Variants in HEATR5A observed in about 807,000 individuals in gnomAD.
HEATR5A encodes HEAT repeat-containing protein 5A.
In HEATR5A, 178 loss-of-function variants were observed where a neutral mutation model predicts 218.8. The ratio of observed to expected loss-of-function variants is 0.81; its 90% CI spans 0.72 to 0.92. The LOEUF (loss-of-function observed/expected upper bound fraction) is 0.92, where lower values mean the gene tolerates loss of function less well. Among genes scored for constraint, HEATR5A ranks in the 40% least tolerant of loss-of-function variants. HEATR5A has a pLI of 0.00. For missense variants in HEATR5A, 2,420 were observed against 2,418.9 expected, an observed-to-expected ratio of 1.00 and a Z score of -0.01; for synonymous variants, 864 against 871.6, an observed-to-expected ratio of 0.99 and a Z score of 0.15.
At chr14:31,306,905 A>C in intron 30 of HEATR5A, 26 bp from the exon 31 acceptor site, 1 of 1,533,366 alleles carries the variant, frequency 6.5e-7, no homozygotes, top group Non-Finnish European at 8.9e-7. Flanking sequence ...TGTACAGGAC[A>C]CTGTATTAGA....
At chr14:31,338,175 A>G (rs1900728794) in intron 21 of HEATR5A, among the ~76,000 whole-genome samples, 1 of 152,172 alleles carries the variant, frequency 6.6e-6, no homozygotes, top group Admixed American at 6.6e-5. Context: ...ACACTACTGC[A>G]TCTCTCAGGG....
rs74043934 is a variant in HEATR5A, at chr14:31,352,473, A to G, written c.2412-1756T>C. Reference sequence around the variant, plus strand: ...CTAAGTCCTTTAAAACTAGATCTCCATCATTCTGCTGAGGCTACAAGGCAA... The same window carrying G: ...CTAAGTCCTTTAAAACTAGATCTCCGTCATTCTGCTGAGGCTACAAGGCAA... On this transcript the variant is annotated intron_variant, in intron 16 of 35. Transcript: ENST00000543095. 2.3e-3 allele frequency among the ~76,000 whole-genome samples: 349 copies of G among 152,248 alleles called. 2 individuals carry two copies. The highest frequency in any genetic ancestry group is 7.7e-3 in the African/African-American group (318 of 41,562).
chr14:31,293,547 C>T lies in HEATR5A; in HGVS notation c.5899G>A (p.Gly1967Arg), dbSNP rs1278781599. 1 of 1,613,590 alleles carries T rather than the reference C, an allele frequency of 6.2e-7. No homozygotes were observed. The highest frequency in any genetic ancestry group is 8.5e-7 in the Non-Finnish European group (1 of 1,179,804). Residue 1967 changes from glycine to arginine, a missense_variant, in exon 36 of 36, where the codon GGA becomes AGA. By Grantham distance (125) the Gly-to-Arg change is moderately radical. Transcript: ENST00000543095. ...ISFLLDENSL[G>R]SATSIMRNLH... ...TTTCTCATTATGGAAGTTGCTGATC[C>T]CAGAGAATTTTCATCCAAAAGGAAG...
At chr14:31,372,163 G>A (rs1466215479) in intron 12 of HEATR5A, among the ~76,000 whole-genome samples, 1 of 142,450 alleles carries the variant, frequency 7.0e-6, no homozygotes, top group Non-Finnish European at 1.5e-5. Context: ...CTGTTCTAGG[G>A]TTTTACTTTT....
At chr14:31,337,441 T>C in intron 22 of HEATR5A, 35 bp downstream of exon 22, 1 of 1,514,354 alleles carries the variant, frequency 6.6e-7, no homozygotes, top group Non-Finnish European at 8.9e-7. Flanking sequence ...AAAATAATCA[T>C]TTGAGCTGGA....
chr14:31,353,831 GCT>G (rs1363375359), intron 16 of HEATR5A, among the ~76,000 whole-genome samples: 1 of 146,942 alleles, frequency 6.8e-6, no homozygotes, highest in Non-Finnish European at 1.5e-5. Context: ...ATGGAGTCTC[GCT>G]CTGTCGCCCA....
At chr14:31,310,537 G>A (rs1899710908) in intron 28 of HEATR5A, among the ~76,000 whole-genome samples, 1 of 152,146 alleles carries the variant, frequency 6.6e-6, no homozygotes, top group Non-Finnish European at 1.5e-5. Flanking sequence ...CTACTTGGGA[G>A]GCTGAGGCAG....
At chr14:31,332,511 T>G (rs1900506609) in intron 22 of HEATR5A, among the ~76,000 whole-genome samples, 1 of 152,206 alleles carries the variant, frequency 6.6e-6, no homozygotes, top group Non-Finnish European at 1.5e-5. Flanking sequence ...TGATTTAAGC[T>G]TAGTGAGAAA....
chr14:31,400,449 G>GGGAGCTGTTCAACAAAGACA lies in HEATR5A; in HGVS notation c.170_189dup (p.Pro64CysfsTer4). On this transcript the variant is annotated stop_gained and frameshift_variant, in exon 3 of 36. Coordinates refer to ENST00000543095, the MANE Select transcript of HEATR5A (RefSeq NM_015473.4). LOFTEE classifies it high-confidence loss of function. ...AGCAGTTTGCGGGTAGGAGGCCCTG[G>GGGAGCTGTTCAACAAAGACA]GGAGCTGTTCAACAAAGACAGGAGC... 2 of 1,535,912 alleles carry GGGAGCTGTTCAACAAAGACA rather than the reference G, an allele frequency of 1.3e-6. No homozygotes were observed. The highest frequency in any genetic ancestry group is 1.4e-5 in the African/African-American group (1 of 73,116).
chr14:31,309,088 A>G lies in HEATR5A; in HGVS notation c.4536T>C (p.Leu1512=). Residue 1512 remains leucine (L), a synonymous_variant, in exon 29 of 36, where the codon CTT becomes CTC. Coordinates refer to ENST00000543095, the MANE Select transcript of HEATR5A (RefSeq NM_015473.4). ...ALILHATALW[L]TSTGFVVADP... is the part of the protein sequence containing the mutation. ...CAGCAACAACAAAACCCGTGCTTGT[A>G]AGCCACAATGCTGTAGCATGGAGGA... The G allele has an allele frequency of 6.2e-7, 1 of 1,614,016 alleles. No individual in the cohort carries two copies. Among genetic ancestry groups the G allele is most frequent in the South Asian group, 1.1e-5 (1 of 91,078 alleles).
rs148711428 is a variant in HEATR5A, at chr14:31,334,900, C to A, written c.3367+2576G>T. Among the ~76,000 whole-genome samples, 432 of 138,096 alleles carry A rather than the reference C, an allele frequency of 3.1e-3. 13 individuals carry two copies. In the East Asian group the frequency reaches 0.071, roughly 23 times the overall value. 90.6% of individuals were successfully genotyped at this position (138,096 alleles called of 152,430 possible). On this transcript the variant is annotated intron_variant, in intron 22 of 35. Coordinates refer to ENST00000543095, the MANE Select transcript of HEATR5A (RefSeq NM_015473.4). Reference sequence around the variant, plus strand: ...GGCGGAGCTTGCAGTGAGCCAAGATCGTGCCACTGCACTTCAGCCTGGGTG... The same window carrying A: ...GGCGGAGCTTGCAGTGAGCCAAGATAGTGCCACTGCACTTCAGCCTGGGTG...
At chr14:31,302,746 G>T in intron 32 of HEATR5A, 1 of 485,294 alleles carries the variant, frequency 2.1e-6, no homozygotes, top group African/African-American at 1.9e-5. Context: ...TAAATTGTGT[G>T]AGTATCATTA....
At chr14:31,314,977 A>G (rs1340755253) in intron 27 of HEATR5A, among the ~76,000 whole-genome samples, 1 of 152,096 alleles carries the variant, frequency 6.6e-6, no homozygotes, top group Non-Finnish European at 1.5e-5. Flanking sequence ...GTTCAGGACC[A>G]ACCTGGCCAA....
intron 14 of HEATR5A, 56 bp downstream of exon 14, chr14:31,364,133 G>A: frequency 2.9e-6 from 2 of 692,822 alleles, no homozygotes; most frequent in Non-Finnish European, 2.4e-6. Context: ...AATAACTATT[G>A]TTCCAGAAAC....
In HEATR5A at chr14:31,393,986, T is replaced by C. The variant is rs563326956; in HGVS notation, c.772+66A>G. On this transcript the variant is annotated intron_variant, in intron 6 of 35. Coordinates refer to ENST00000543095, the MANE Select transcript of HEATR5A (RefSeq NM_015473.4). ...TAACGGGTAGCAATAACACTATACA[T>C]ATTTGTTTATATCAACTGGGGAAAA... is the stretch of plus-strand genomic sequence containing the variant. 880 of 1,050,600 alleles carry C rather than the reference T, an allele frequency of 8.4e-4. 2 individuals are homozygous for C. Among genetic ancestry groups the C allele is most frequent in the Non-Finnish European group, 1.1e-3 (829 of 736,166 alleles). The allele number at this position is 1,050,600 out of a possible 1,614,324, so 65.1% of individuals were successfully genotyped here. A position where few individuals can be genotyped will look rare whatever the true frequency, so the allele number is the denominator to read the frequency against.
intron 22 of HEATR5A, among the ~76,000 whole-genome samples, chr14:31,326,784 A>C (rs1160636446): frequency 6.6e-6 from 1 of 151,982 alleles, no homozygotes; most frequent in Non-Finnish European, 1.5e-5. Context: ...CTAGAATTAC[A>C]GGCACCCGCC....
chr14:31,420,545 G>A lies in HEATR5A; in HGVS notation c.-148C>T, dbSNP rs183180409. 2.0e-5 allele frequency: 3 copies of A among 151,672 alleles called. No homozygotes were observed. Among genetic ancestry groups the A allele is most frequent in the African/African-American group, 7.4e-5 (3 of 40,664 alleles). The allele number at this position is 151,672 out of a possible 1,614,324, so 9.4% of individuals were successfully genotyped here. The stretch of plus-strand genomic sequence containing the variant: ...ACCGGCTGCTCTGCTAACCCTAGCA[G>A]AGTCTGGAATTGCCGGCGGCGGCGA... On this transcript the variant is annotated 5_prime_UTR_variant, in exon 1 of 36. Coordinates refer to ENST00000543095, the MANE Select transcript of HEATR5A (RefSeq NM_015473.4).
At chr14:31,382,783 T>G (rs1267432384) in intron 10 of HEATR5A, among the ~76,000 whole-genome samples, 9 of 149,874 alleles carry the variant, frequency 6.0e-5, no homozygotes, top group Non-Finnish European at 1.3e-4. Context: ...TATTATCTAG[T>G]ATGTTTTAAT....
chr14:31,335,038 C>A (rs1763238183), intron 22 of HEATR5A, among the ~76,000 whole-genome samples: 1 of 151,784 alleles, frequency 6.6e-6, no homozygotes, highest in Non-Finnish European at 1.5e-5. Context: ...GCCATCAACA[C>A]TGAGGCAAGA....
Sources: allele counts gnomAD v4.1 joint callset (sites outside exome capture counted in the v4.1 genomes callset), GRCh38; gene constraint gnomAD v4.1.1; transcripts MANE v1.5; gene names NCBI Gene and HGNC (gene_info 2026-07-23, HGNC 2026-07-21).